The following DMD variants were observed in gnomAD, a reference collection of about 807,000 sequenced individuals.
DMD encodes the protein dystrophin.
Under a neutral mutation model 330.1 loss-of-function variants are expected in DMD, and 63 were observed. The observed-to-expected ratio is 0.19, with a 90% CI of 0.16 to 0.24. The LOEUF is 0.24. DMD is among the 10% of genes least tolerant of loss of function. The pLI is 1.00. For synonymous variants in DMD, 1,223 were observed against 959.8 expected (o/e 1.27, Z -5.07); for missense variants, 3,344 against 2,684.1 (o/e 1.25, Z -5.43).
In DMD at chrX:31,209,521, G is replaced by A. The variant is rs2148590907; in HGVS notation, c.9540C>T (p.Asn3180=). 8.3e-7 allele frequency: 1 copy of A among 1,211,182 alleles called. No individual in the cohort carries two copies. The highest frequency in any genetic ancestry group is 1.1e-6 in the Non-Finnish European group (1 of 895,259). The change falls in exon 65 of 79, where the codon AAC becomes AAT. Residue 3180 remains asparagine (N), a synonymous_variant. Coordinates refer to ENST00000357033, the MANE Select transcript of DMD (RefSeq NM_004006.3). ...ACGTATCATAAACATTCAGCAGCCA[G>A]TTCAGACACATATCCACGCAGAGAG... ...NVPLCVDMCL[N]WLLNVYDTGR... is the part of the protein sequence containing the mutation.
At chrX:31,628,134 C>CAT (rs1237682514) in intron 54 of DMD, among the ~76,000 whole-genome samples, 4 of 111,288 alleles carry the variant, frequency 3.6e-5, no homozygotes, top group East Asian at 2.8e-4. Flanking sequence ...GAGGAGGTTT[C>CAT]ATATATATAT....
At chrX:31,604,162 T>C (rs1603420783) in intron 55 of DMD, among the ~76,000 whole-genome samples, 3 of 112,378 alleles carry the variant, frequency 2.7e-5, no homozygotes, top group East Asian at 5.6e-4. Context: ...TGAATGACAG[T>C]CTTCCTAACT....
intron 1 of DMD, among the ~76,000 whole-genome samples, chrX:33,256,822 C>G (rs1219935100): frequency 1.8e-5 from 2 of 110,430 alleles, no homozygotes; most frequent in African/African-American, 6.5e-5. Context: ...TTCTTCTTTA[C>G]AGTATTATGA....
At chrX:32,471,347 G>C (rs986368971) in intron 22 of DMD, among the ~76,000 whole-genome samples, 42 of 111,872 alleles carry the variant, frequency 3.8e-4, no homozygotes, top group African/African-American at 8.4e-4. Context: ...TCCCATATTA[G>C]TATATCTTTC....
intron 51 of DMD, among the ~76,000 whole-genome samples, chrX:31,757,098 G>A (rs1350953576): frequency 1.8e-5 from 2 of 110,021 alleles, no homozygotes; most frequent in Admixed American, 1.9e-4. Context: ...TTCCCTATGT[G>A]TATATAAAAT....
intron 1 of DMD, among the ~76,000 whole-genome samples, chrX:33,217,642 A>C (rs2052082174): frequency 8.9e-6 from 1 of 111,862 alleles, no homozygotes; most frequent in Non-Finnish European, 1.9e-5. Flanking sequence ...TTAATATGAG[A>C]TCTACCCAAC....
chrX:31,987,213 T>C (rs57448049), intron 44 of DMD, among the ~76,000 whole-genome samples: 5,043 of 111,958 alleles, frequency 0.045, 299 homozygotes, highest in African/African-American at 0.15. Context: ...TGAGTCTTAA[T>C]TGCCAAACAA....
At chrX:31,475,675 A>C (rs1464547358) in intron 59 of DMD, among the ~76,000 whole-genome samples, 2 of 112,240 alleles carry the variant, frequency 1.8e-5, no homozygotes, top group African/African-American at 6.5e-5. Flanking sequence ...CAAAACCCTT[A>C]GTTTTCCAGT....
intron 51 of DMD, among the ~76,000 whole-genome samples, chrX:31,733,635 G>A (rs113771047): frequency 0.019 from 2,128 of 111,464 alleles, 50 homozygotes; most frequent in African/African-American, 0.065. Flanking sequence ...ATGTATTGAA[G>A]AAAATAAGCA....
At chrX:32,745,190 G>T (rs1349864612) in intron 7 of DMD, among the ~76,000 whole-genome samples, 2 of 112,296 alleles carry the variant, frequency 1.8e-5, no homozygotes, top group Non-Finnish European at 3.8e-5. Context: ...GAAAGAGAAA[G>T]AGGAAATGTT....
At chrX:32,607,034 G>C (rs2056779978) in intron 12 of DMD, among the ~76,000 whole-genome samples, 1 of 109,343 alleles carries the variant, frequency 9.1e-6, no homozygotes, top group South Asian at 3.9e-4. Flanking sequence ...TACCTATTGA[G>C]TATAGTGTTC....
chrX:32,290,542 T>A, intron 42 of DMD, among the ~76,000 whole-genome samples: 1 of 112,138 alleles, frequency 8.9e-6, no homozygotes. Context: ...CACAAATGGG[T>A]TATACGGGAA....
intron 1 of DMD, among the ~76,000 whole-genome samples, chrX:33,319,918 TA>T (rs1240782412): frequency 9.0e-6 from 1 of 111,719 alleles, no homozygotes; most frequent in African/African-American, 3.3e-5. Context: ...AAAGGTAAAA[TA>T]TATATATTTC....
intron 44 of DMD, among the ~76,000 whole-genome samples, chrX:32,086,917 G>A (rs368603557): frequency 4.3e-4 from 48 of 111,608 alleles, no homozygotes; most frequent in African/African-American, 1.4e-3. Context: ...CTGTGAACAC[G>A]TCATATATAT....
At chrX:32,183,354 A>G (rs1285648181) in intron 44 of DMD, among the ~76,000 whole-genome samples, 1 of 109,353 alleles carries the variant, frequency 9.1e-6, no homozygotes, top group Non-Finnish European at 1.9e-5. Flanking sequence ...GTGAAGCTTA[A>G]TCAGCTAAGT....
intron 44 of DMD, among the ~76,000 whole-genome samples, chrX:32,034,750 T>C (rs1224013486): frequency 5.4e-5 from 6 of 111,765 alleles, no homozygotes; most frequent in Non-Finnish European, 1.1e-4. Context: ...TTTTGCTTTT[T>C]TAACAAAAGC....
At chrX:33,324,633 T>C (rs983347309) in intron 1 of DMD, among the ~76,000 whole-genome samples, 7 of 111,313 alleles carry the variant, frequency 6.3e-5, no homozygotes, top group African/African-American at 2.3e-4. Flanking sequence ...CATCATTACG[T>C]TGGGTTAAGC....
At chrX:32,597,021 T>A (rs761800737) in intron 12 of DMD, among the ~76,000 whole-genome samples, 4 of 111,885 alleles carry the variant, frequency 3.6e-5, no homozygotes, top group African/African-American at 1.3e-4. Context: ...ACCAGTCTAA[T>A]TGTATACCAT....
At chrX:33,009,558 ATGTG>A (rs1292395262) in intron 2 of DMD, among the ~76,000 whole-genome samples, 1 of 64,968 alleles carries the variant, frequency 1.5e-5, no homozygotes, top group Admixed American at 1.6e-4. Flanking sequence ...ATATGTGTGT[ATGTG>A]TGTATGTGTA....
Sources: allele counts gnomAD v4.1 joint callset (sites outside exome capture counted in the v4.1 genomes callset), GRCh38; gene constraint gnomAD v4.1.1; transcripts MANE v1.5; gene names NCBI Gene and HGNC (gene_info 2026-07-23, HGNC 2026-07-21).